EPB41: variants seen among roughly 807,000 people sequenced by gnomAD.
EPB41 encodes the protein erythrocyte membrane protein band 4.1.
EPB41 carries 65 observed loss-of-function variants against 108.0 expected under a neutral mutation model. That is an observed-to-expected ratio of 0.60 (90% CI 0.49 to 0.74). EPB41 has a LOEUF of 0.74. Among genes scored for constraint, EPB41 ranks in the 30% least tolerant of loss-of-function variants. The pLI is 0.00. For missense variants in EPB41, 875 were observed against 1,037.0 expected (o/e 0.84, Z 2.15); for synonymous variants, 336 against 358.9 (o/e 0.94, Z 0.72).
At position 29,058,637 on chromosome 1, in the gene EPB41, C is replaced by T. The variant is rs1441018178; in HGVS notation, c.1894C>T (p.Gln632Ter). The change falls in exon 13 of 21, where the codon CAA becomes TAA. Residue 632 changes from glutamine (Q) to a stop codon, truncating the protein, a stop_gained. Coordinates refer to ENST00000343067, the MANE Select transcript of EPB41 (RefSeq NM_001376013.1). LOFTEE classifies it high-confidence loss of function. ...EVTVPTSNGD[Q>*]TQKLAEKTED... ...GACAGTACCCACCTCAAATGGTGAC[C>T]AAACACAGGTTTGTGCCAATAGGCC... The T allele has an allele frequency of 6.2e-7, 1 of 1,613,604 alleles. No individual in the cohort carries two copies.
chr1:28,888,980 T>A (rs1425270300), intron 1 of EPB41, among the ~76,000 whole-genome samples: 1 of 152,010 alleles, frequency 6.6e-6, no homozygotes, highest in East Asian at 1.9e-4. Flanking sequence ...GTAGGAGGCT[T>A]GAGAAGAAAG....
intron 1 of EPB41, among the ~76,000 whole-genome samples, chr1:28,915,061 C>T (rs1335787808): frequency 2.7e-5 from 1 of 37,178 alleles, no homozygotes; most frequent in Non-Finnish European, 5.3e-5. Context: ...TTTGACGGTC[C>T]CCTCGGGTGC....
chr1:28,994,598 A>G (rs1226361440), intron 3 of EPB41, among the ~76,000 whole-genome samples: 3 of 152,182 alleles, frequency 2.0e-5, no homozygotes, highest in Non-Finnish European at 4.4e-5. Flanking sequence ...TTTTATTGAC[A>G]AAGTGTGTAA....
At chr1:29,002,450 CAA>C (rs773724543) in intron 4 of EPB41, among the ~76,000 whole-genome samples, 27 of 114,994 alleles carry the variant, frequency 2.3e-4, no homozygotes, top group Middle Eastern at 4.5e-3. Flanking sequence ...GACCCTACCT[CAA>C]AAAAAAAAAA....
intron 9 of EPB41, among the ~76,000 whole-genome samples, chr1:29,033,801 A>G (rs181937624): frequency 3.6e-4 from 55 of 152,318 alleles, no homozygotes; most frequent in Non-Finnish European, 6.3e-4. Flanking sequence ...AAGAGCCATT[A>G]TGGAATAGCA....
intron 1 of EPB41, among the ~76,000 whole-genome samples, chr1:28,908,435 TTATTA>T (rs2092001141): frequency 6.7e-6 from 1 of 149,758 alleles, no homozygotes; most frequent in Non-Finnish European, 1.5e-5. Context: ...ATTATTATTA[TTATTA>T]TTTTTTTTTG....
chr1:28,932,576 G>A (rs1319256994), intron 1 of EPB41, among the ~76,000 whole-genome samples: 2 of 149,948 alleles, frequency 1.3e-5, no homozygotes, highest in African/African-American at 2.5e-5. Context: ...ATGAAAAACA[G>A]GCCAAACTAG....
At chr1:29,113,614 A>G (rs1669935076) in intron 19 of EPB41, among the ~76,000 whole-genome samples, 1 of 152,224 alleles carries the variant, frequency 6.6e-6, no homozygotes, top group African/African-American at 2.4e-5. Flanking sequence ...TGAGGTTTGG[A>G]GTGAGACAGA....
At chr1:29,040,870 T>G (rs1010094846) in intron 11 of EPB41, among the ~76,000 whole-genome samples, 7 of 151,992 alleles carry the variant, frequency 4.6e-5, no homozygotes, top group African/African-American at 1.7e-4. Flanking sequence ...GTGCGGTGGC[T>G]CACACCTATA....
chr1:28,964,532 C>T (rs996380187), intron 1 of EPB41, among the ~76,000 whole-genome samples: 4 of 151,948 alleles, frequency 2.6e-5, no homozygotes, highest in East Asian at 1.9e-4. Flanking sequence ...ACCCAGGAGG[C>T]GGAGGTTGCA....
chr1:28,923,111 C>A (rs5773223), intron 1 of EPB41, among the ~76,000 whole-genome samples: 3 of 60,602 alleles, frequency 5.0e-5, no homozygotes, highest in African/African-American at 9.7e-5. Flanking sequence ...CTTTTCTTTT[C>A]TTTTTTTTTT....
intron 1 of EPB41, among the ~76,000 whole-genome samples, chr1:28,948,747 A>C (rs945986232): frequency 1.3e-5 from 2 of 150,894 alleles, no homozygotes; most frequent in African/African-American, 4.9e-5. Flanking sequence ...TCAGGAGTTC[A>C]AGACCAGCCT....
intron 17 of EPB41, among the ~76,000 whole-genome samples, chr1:29,107,874 C>G (rs933778585): frequency 9.8e-6 from 1 of 102,556 alleles, no homozygotes; most frequent in African/African-American, 3.6e-5. Context: ...AAAAAAAATA[C>G]AAAAATTAGC....
intron 10 of EPB41, among the ~76,000 whole-genome samples, chr1:29,036,821 G>A (rs1639678252): frequency 1.3e-5 from 2 of 151,774 alleles, no homozygotes; most frequent in South Asian, 2.1e-4. Flanking sequence ...GATTACAGGT[G>A]CACACCACCA....
chr1:28,898,406 C>CCTCCAGTCA (rs368593204), intron 1 of EPB41, among the ~76,000 whole-genome samples: 2,078 of 152,232 alleles, frequency 0.014, 16 homozygotes, highest in Middle Eastern at 0.075. Flanking sequence ...AGCCATGTGG[C>CCTCCAGTCA]CTCCAGTCAC....
At chr1:28,929,949 A>T (rs2093656343) in intron 1 of EPB41, among the ~76,000 whole-genome samples, 1 of 135,418 alleles carries the variant, frequency 7.4e-6, no homozygotes. Flanking sequence ...TAGTGTGTTT[A>T]TGGGGTTGTG....
rs1218118808 is a variant in EPB41 at position 29,117,667 on chromosome 1, A to C, written c.*855A>C. On this transcript the variant is annotated 3_prime_UTR_variant, in exon 21 of 21. Transcript: ENST00000343067. ...TAGGCACTTTGGGCCAAAAGCTCTA[A>C]TGGAACATTTTTAGTGGTGATTTGG... 6.6e-6 allele frequency: 1 copy of C among 152,636 alleles called. No homozygotes were observed. The highest frequency in any genetic ancestry group is 1.5e-5 in the Non-Finnish European group (1 of 68,030). 9.5% of individuals were successfully genotyped at this position (152,636 alleles called of 1,614,324 possible). A position where few individuals can be genotyped will look rare whatever the true frequency, so the allele number is the denominator to read the frequency against.
In EPB41 at chr1:28,921,938, T is replaced by TTATATATATATATATATATATA. The variant is rs66808636; in HGVS notation, c.-8+7173_-8+7194dup. Among the ~76,000 whole-genome samples, 651 of 102,186 alleles carry TTATATATATATATATATATATA rather than the reference T, an allele frequency of 6.4e-3. 10 individuals carry two copies. The highest frequency in any genetic ancestry group is 0.024 in the East Asian group (28 of 1,144). The allele number at this position is 102,186 out of a possible 152,430, so 67.0% of individuals were successfully genotyped here. ...TAAATAGTATTTTATTTATGAAATT[T>TTATATATATATATATATATATA]TATATATATATATATATATATATAC... is the stretch of plus-strand genomic sequence containing the variant. On this transcript the variant is annotated intron_variant, in intron 1 of 20. Coordinates refer to ENST00000343067, the MANE Select transcript of EPB41 (RefSeq NM_001376013.1).
chr1:28,903,663 T>C (rs565744630), intron 1 of EPB41, among the ~76,000 whole-genome samples: 2 of 152,108 alleles, frequency 1.3e-5, no homozygotes, highest in Admixed American at 6.5e-5. Context: ...ATTATAGTCA[T>C]ATCTTCCTCA....
Sources: gnomAD v4.1 joint callset for allele counts (sites outside exome capture counted in the v4.1 genomes callset) on GRCh38, gnomAD v4.1.1 for gene constraint, MANE v1.5 for transcripts, NCBI Gene and HGNC (gene_info 2026-07-23, HGNC 2026-07-21) for gene names.